CFLAR: variants seen among roughly 807,000 people sequenced by gnomAD.
The protein encoded by CFLAR is CASP8 and FADD-like apoptosis regulator.
Under a neutral mutation model 51.1 loss-of-function variants are expected in CFLAR, and 14 were observed. That is an observed-to-expected ratio of 0.27 (90% CI 0.18 to 0.43). The LOEUF (loss-of-function observed/expected upper bound fraction) is 0.43. Among genes scored for constraint, CFLAR ranks in the 20% least tolerant of loss-of-function variants. CFLAR has a pLI of 1.00. For synonymous variants in CFLAR, 210 were observed against 211.6 expected, an observed-to-expected ratio of 0.99 and a Z score of 0.06; for missense variants, 390 against 566.5, an observed-to-expected ratio of 0.69 and a Z score of 3.16.
rs536691258 is a variant in CFLAR at position 201,170,575 on chromosome 2, A to G, written c.*6602A>G. Reference sequence around the variant, plus strand: ...ATATCATTTTCTAACTCCAAAGGTAATACTTATTTAAATGGTTTTGAAAAT... The same window carrying G: ...ATATCATTTTCTAACTCCAAAGGTAGTACTTATTTAAATGGTTTTGAAAAT... On this transcript the variant is annotated 3_prime_UTR_variant, in exon 10 of 10. Coordinates refer to ENST00000309955, the MANE Select transcript of CFLAR (RefSeq NM_003879.7). The G allele has an allele frequency of 6.6e-6, 1 of 152,356 alleles. No homozygotes were observed. Among genetic ancestry groups the G allele is most frequent in the Non-Finnish European group, 1.5e-5 (1 of 68,024 alleles). 9.4% of individuals were successfully genotyped at this position (152,356 alleles called of 1,614,324 possible).
At chr2:201,161,680 G>T (rs1943024262) in intron 9 of CFLAR, among the ~76,000 whole-genome samples, 1 of 150,190 alleles carries the variant, frequency 6.7e-6, no homozygotes, top group African/African-American at 2.5e-5. Context: ...CTCCCAAAGT[G>T]CTAGGATTAC....
Position 201,174,893 on chromosome 2 carries a change from CAAACCAGCCA to C in CFLAR, c.*10927_*10936del, listed in dbSNP as rs1208351748. 1 of 152,182 alleles carries C rather than the reference CAAACCAGCCA, an allele frequency of 6.6e-6. No homozygotes were observed. The highest frequency in any genetic ancestry group is 1.5e-5 in the Non-Finnish European group (1 of 68,048). 9.4% of individuals were successfully genotyped at this position (152,182 alleles called of 1,614,324 possible). A position where few individuals can be genotyped will look rare whatever the true frequency, so the allele number is the denominator to read the frequency against. The stretch of plus-strand genomic sequence containing the variant: ...ACAGGATGTGGTAGAAAGGCCAACC[CAAACCAGCCA>C]AAACCATGATGGTGACAGAAGAGAC... On this transcript the variant is annotated 3_prime_UTR_variant, in exon 10 of 10. Transcript: ENST00000309955.
intron 4 of CFLAR, chr2:201,137,486 C>T (rs1280710443): frequency 1.0e-5 from 6 of 580,500 alleles, no homozygotes; most frequent in Non-Finnish European, 1.9e-5. Flanking sequence ...GGGTGCACTC[C>T]CTCCACCATC....
intron 5 of CFLAR, among the ~76,000 whole-genome samples, chr2:201,143,752 A>G (rs1939496470): frequency 6.6e-6 from 1 of 152,074 alleles, no homozygotes; most frequent in Non-Finnish European, 1.5e-5. Flanking sequence ...TCATGAGGTC[A>G]GGAGTTCAAG....
intron 4 of CFLAR, chr2:201,137,549 A>G (rs1235437547): frequency 8.6e-6 from 6 of 697,794 alleles, no homozygotes; most frequent in Middle Eastern, 3.9e-4. Context: ...AGTGCAGGCC[A>G]TGGATGCCAC....
In CFLAR at chr2:201,129,836, C is replaced by A. The variant is rs972476395; in HGVS notation, c.-30C>A. The A allele has an allele frequency of 1.2e-6, 2 of 1,608,038 alleles. No homozygotes were observed. The highest frequency in any genetic ancestry group is 1.7e-6 in the Non-Finnish European group (2 of 1,176,370). On this transcript the variant is annotated 5_prime_UTR_variant, in exon 2 of 10. Transcript: ENST00000309955. The stretch of plus-strand genomic sequence containing the variant: ...CTGGCCCGGAGCTGTACTGCAAGAC[C>A]CTTGTGAGCTTCCCTAGTCTAAGAG...
intron 6 of CFLAR, among the ~76,000 whole-genome samples, chr2:201,145,859 C>A (rs1026592158): frequency 1.3e-5 from 2 of 152,184 alleles, no homozygotes; most frequent in Non-Finnish European, 2.9e-5. Flanking sequence ...TCCCCCCTTT[C>A]CTAAGAAAGA....
Position 201,163,861 on chromosome 2 carries a change from T to C in CFLAR, c.1331T>C (p.Ile444Thr). 1.2e-6 allele frequency: 2 copies of C among 1,613,282 alleles called. No homozygotes were observed. The highest frequency in any genetic ancestry group is 1.7e-6 in the Non-Finnish European group (2 of 1,179,776). ...AAACGCCCACTCCTGGATCTTCACATTGAACTCAATGGCTACATGTATGAT... is the reference window on the plus strand; with the variant it reads ...AAACGCCCACTCCTGGATCTTCACACTGAACTCAATGGCTACATGTATGAT... Reference protein sequence around the residue: ...ERKRPLLDLHIELNGYMYDWN... With the variant: ...ERKRPLLDLHTELNGYMYDWN... Residue 444 changes from isoleucine to threonine, a missense_variant, in exon 10 of 10, where the codon ATT becomes ACT. Coordinates refer to ENST00000309955, the MANE Select transcript of CFLAR (RefSeq NM_003879.7).
At chr2:201,132,786 CTG>C (rs1194289659) in intron 2 of CFLAR, 6 of 370,634 alleles carry the variant, frequency 1.6e-5, no homozygotes, top group Non-Finnish European at 2.9e-5. Flanking sequence ...TTTTCAGAAA[CTG>C]TTAGTTGGCA....
intron 6 of CFLAR, among the ~76,000 whole-genome samples, chr2:201,147,277 C>T (rs938379224): frequency 6.6e-6 from 1 of 152,118 alleles, no homozygotes; most frequent in Non-Finnish European, 1.5e-5. Context: ...GCCTGTAGTC[C>T]CAGCACTTTG....
In CFLAR at chr2:201,174,179, C is replaced by T. The variant is rs192992947; in HGVS notation, c.*10206C>T. On this transcript the variant is annotated 3_prime_UTR_variant, in exon 10 of 10. Coordinates refer to ENST00000309955, the MANE Select transcript of CFLAR (RefSeq NM_003879.7). ...TATTGCTTATGCTTTTGGTGTCATA[C>T]CTAAAAAACCATTGTCTAAATCAAT... The T allele has an allele frequency of 2.2e-4, 33 of 150,240 alleles. No individual in the cohort carries two copies. Among genetic ancestry groups the T allele is most frequent in the African/African-American group, 7.8e-4 (31 of 39,616 alleles). The allele number at this position is 150,240 out of a possible 1,614,324, so 9.3% of individuals were successfully genotyped here.
Position 201,160,866 on chromosome 2 carries a change from A to C in CFLAR, c.1228A>C (p.Met410Leu). ...CTTCTGGAGCCTGTGTACTGCGGAC[A>C]TGTCCCTGCTGGAGCAGTCTCACAG... Reference protein sequence around the residue: ...DFFWSLCTADMSLLEQSHSSP... With the variant: ...DFFWSLCTADLSLLEQSHSSP... The change falls in exon 9 of 10, where the codon ATG becomes CTG. Residue 410 changes from methionine (M) to leucine (L), a missense_variant. Transcript: ENST00000309955. 6.2e-7 allele frequency: 1 copy of C among 1,612,514 alleles called. No homozygotes were observed. Among genetic ancestry groups the C allele is most frequent in the East Asian group, 2.2e-5 (1 of 44,830 alleles).
chr2:201,122,580 A>G (rs182565158), intron 1 of CFLAR: 2 of 152,366 alleles, frequency 1.3e-5, no homozygotes, highest in Non-Finnish European at 2.9e-5. Context: ...ATCTATCCCC[A>G]AGGACCTCCA....
chr2:201,176,588 T>A lies in CFLAR; in HGVS notation c.*12615T>A, dbSNP rs540860067. 3.9e-5 allele frequency: 6 copies of A among 152,288 alleles called. No individual in the cohort carries two copies. Among genetic ancestry groups the A allele is most frequent in the Admixed American group, 3.9e-4 (6 of 15,298 alleles). 9.4% of individuals were successfully genotyped at this position (152,288 alleles called of 1,614,324 possible). A position where few individuals can be genotyped will look rare whatever the true frequency, so the allele number is the denominator to read the frequency against. On this transcript the variant is annotated 3_prime_UTR_variant, in exon 10 of 10. Transcript: ENST00000309955. ...TCAAATACTAGCAGTTTCTCACTGTTTTTTGCCCTAGAAACAACAAACTAA... is the reference window on the plus strand; with the variant it reads ...TCAAATACTAGCAGTTTCTCACTGTATTTTGCCCTAGAAACAACAAACTAA...
chr2:201,173,218 TG>T lies in CFLAR; in HGVS notation c.*9246del, dbSNP rs1183362014. The T allele has an allele frequency of 1.3e-5, 2 of 152,228 alleles. No individual in the cohort carries two copies. Among genetic ancestry groups the T allele is most frequent in the African/African-American group, 2.4e-5 (1 of 41,510 alleles). 9.4% of individuals were successfully genotyped at this position (152,228 alleles called of 1,614,324 possible). A position where few individuals can be genotyped will look rare whatever the true frequency, so the allele number is the denominator to read the frequency against. On this transcript the variant is annotated 3_prime_UTR_variant, in exon 10 of 10. Coordinates refer to ENST00000309955, the MANE Select transcript of CFLAR (RefSeq NM_003879.7). ...CACCATGCCCAACTAATTTTTGTAT[TG>T]TTTTTTGAGACGGAGTCTCGCTCTG...
chr2:201,132,430 A>AAAAT (rs34318341), intron 2 of CFLAR, among the ~76,000 whole-genome samples: 22 of 137,960 alleles, frequency 1.6e-4, no homozygotes, highest in African/African-American at 5.8e-4. Context: ...GGGGGGGAAA[A>AAAAT]ATATATATAT....
intron 6 of CFLAR, 98 bp downstream of exon 6, chr2:201,145,530 T>G: frequency 1.3e-6 from 1 of 778,162 alleles, no homozygotes; most frequent in Non-Finnish European, 2.2e-6. Context: ...TTTATCTACA[T>G]AATCTAAGTA....
chr2:201,154,161 A>T, intron 8 of CFLAR: 1 of 262,478 alleles, frequency 3.8e-6, no homozygotes, highest in South Asian at 3.0e-5. Flanking sequence ...GCGCAATCTC[A>T]GCTCACCGCA....
chr2:201,163,136 C>T, intron 9 of CFLAR: 2 of 785,546 alleles, frequency 2.5e-6, no homozygotes, highest in East Asian at 5.3e-5. Context: ...CTCCCTGACA[C>T]TGCATGCTCT....
Sources: allele counts gnomAD v4.1 joint callset (sites outside exome capture counted in the v4.1 genomes callset), GRCh38; gene constraint gnomAD v4.1.1; transcripts MANE v1.5; gene names NCBI Gene and HGNC (gene_info 2026-07-23, HGNC 2026-07-21).